The following ADGRV1 variants were observed in gnomAD, a reference collection of about 807,000 sequenced individuals.
ADGRV1 encodes adhesion G protein-coupled receptor V1.
Under a neutral mutation model 596.2 loss-of-function variants are expected in ADGRV1, and 359 were observed. The observed-to-expected ratio is 0.60, with a 90% confidence interval of 0.55 to 0.66. ADGRV1 has a LOEUF of 0.66. Among genes scored for constraint, ADGRV1 ranks in the 30% least tolerant of loss-of-function variants. ADGRV1 has a pLI of 0.00. For synonymous variants in ADGRV1, 2,681 were observed against 2,679.2 expected (o/e 1.00, Z -0.02); for missense variants, 7,274 against 7,575.6 (o/e 0.96, Z 1.48).
chr5:90,872,953 G>A (rs1220333333), intron 83 of ADGRV1, among the ~76,000 whole-genome samples: 1 of 152,168 alleles, frequency 6.6e-6, no homozygotes, highest in Non-Finnish European at 1.5e-5. Flanking sequence ...GCTTCCTTCT[G>A]TGAAACTTTT....
chr5:90,669,961 T>C (rs1026558560), intron 21 of ADGRV1, among the ~76,000 whole-genome samples: 1 of 152,236 alleles, frequency 6.6e-6, no homozygotes, highest in Non-Finnish European at 1.5e-5. Context: ...ACACTCCCCC[T>C]GCTGTCGCAA....
At chr5:90,973,538 T>G (rs1373029908) in intron 84 of ADGRV1, among the ~76,000 whole-genome samples, 2 of 152,184 alleles carry the variant, frequency 1.3e-5, no homozygotes, top group Admixed American at 1.3e-4. Flanking sequence ...GATGCAAGGC[T>G]GGTTCAACAT....
chr5:90,998,729 G>T (rs550232916), intron 85 of ADGRV1, among the ~76,000 whole-genome samples: 1 of 152,080 alleles, frequency 6.6e-6, no homozygotes, highest in African/African-American at 2.4e-5. Flanking sequence ...AAAGATGCAC[G>T]TGTTTACACT....
intron 59 of ADGRV1, among the ~76,000 whole-genome samples, chr5:90,766,267 T>C (rs947502607): frequency 2.5e-4 from 38 of 151,992 alleles, no homozygotes; most frequent in African/African-American, 8.5e-4. Context: ...ACTACCCCTC[T>C]CTCACATTTT....
At position 90,684,792 on chromosome 5, in the gene ADGRV1, A is replaced by T. The variant is rs116793991; in HGVS notation, c.6274+597A>T. ...GATTTAAATGTATGAATTTTGAGGCAGGAGAACACAAACCTTCAGACCATA... is the reference window on the plus strand; with the variant it reads ...GATTTAAATGTATGAATTTTGAGGCTGGAGAACACAAACCTTCAGACCATA... On this transcript the variant is annotated intron_variant, in intron 28 of 89. Coordinates refer to ENST00000405460, the MANE Select transcript of ADGRV1 (RefSeq NM_032119.4). Among the ~76,000 whole-genome samples, 346 of 152,312 alleles carry T rather than the reference A, an allele frequency of 2.3e-3. 5 individuals are homozygous for T. Among genetic ancestry groups the T allele is most frequent in the African/African-American group, 8.1e-3 (337 of 41,562 alleles).
chr5:90,635,809 G>A (rs774259668), intron 10 of ADGRV1, among the ~76,000 whole-genome samples: 1 of 151,866 alleles, frequency 6.6e-6, no homozygotes, highest in African/African-American at 2.4e-5. Context: ...TGTCCAGTTT[G>A]GTCCCCAACT....
Position 91,091,828 on chromosome 5 carries a change from T to C in ADGRV1, c.18311-10391T>C, listed in dbSNP as rs866378730. The C allele has an allele frequency of 2.0e-5, 3 of 152,158 alleles. No individual in the cohort carries two copies. In the South Asian group the frequency reaches 6.2e-4, roughly 32 times the overall value. The allele number at this position is 152,158 out of a possible 1,614,324, so 9.4% of individuals were successfully genotyped here. A position where few individuals can be genotyped will look rare whatever the true frequency, so the allele number is the denominator to read the frequency against. ...CCTTCCTCCACCTTTTTGGTTCTAT[T>C]GAGGCCCTTAAGGTGTTGGGTCATG... On this transcript the variant is annotated intron_variant, in intron 86 of 89. Coordinates refer to ENST00000405460, the MANE Select transcript of ADGRV1 (RefSeq NM_032119.4).
In ADGRV1 at chr5:90,586,424, AGATAGTTTATCT is replaced by A. The variant is rs199562728; in HGVS notation, c.22+27510_22+27521del. ...TCTAATTAAAATATAACTAAGTTGT[AGATAGTTTATCT>A]GACAGTAGTCTTCTTGGCATCTCCT... On this transcript the variant is annotated intron_variant, in intron 1 of 89. Coordinates refer to ENST00000405460, the MANE Select transcript of ADGRV1 (RefSeq NM_032119.4). Among the ~76,000 whole-genome samples, 166 of 152,320 alleles carry A rather than the reference AGATAGTTTATCT, an allele frequency of 1.1e-3. 1 individual carries two copies. In the East Asian group the frequency reaches 0.025, roughly 23 times the overall value.
intron 85 of ADGRV1, among the ~76,000 whole-genome samples, chr5:91,045,937 A>G (rs2151291501): frequency 6.6e-6 from 1 of 152,308 alleles, no homozygotes; most frequent in East Asian, 1.9e-4. Context: ...CTGCAAAAAA[A>G]TAAAATACTT....
intron 84 of ADGRV1, among the ~76,000 whole-genome samples, chr5:90,979,411 C>A (rs1779904050): frequency 6.6e-6 from 1 of 152,122 alleles, no homozygotes; most frequent in African/African-American, 2.4e-5. Flanking sequence ...ATTAAGCAGT[C>A]TTCCCACCTT....
intron 85 of ADGRV1, among the ~76,000 whole-genome samples, chr5:91,011,937 T>C (rs1298736004): frequency 6.6e-6 from 1 of 151,958 alleles, no homozygotes; most frequent in African/African-American, 2.4e-5. Context: ...CCCAGGTATC[T>C]GAGCACTTCA....
intron 81 of ADGRV1, among the ~76,000 whole-genome samples, chr5:90,855,360 G>A (rs1281716944): frequency 6.6e-6 from 1 of 152,154 alleles, no homozygotes; most frequent in Non-Finnish European, 1.5e-5. Flanking sequence ...ACAAAGAAGA[G>A]TAAACACATA....
intron 27 of ADGRV1, among the ~76,000 whole-genome samples, chr5:90,681,885 C>T (rs1009116631): frequency 4.0e-4 from 48 of 120,456 alleles, no homozygotes; most frequent in African/African-American, 1.5e-3. Context: ...TTTCTTTTTT[C>T]GAGACGGAGT....
intron 37 of ADGRV1, 22 bp from the exon 38 acceptor site, chr5:90,706,208 AT>A: frequency 1.3e-6 from 2 of 1,582,762 alleles, no homozygotes; most frequent in Non-Finnish European, 1.7e-6. Flanking sequence ...ATTATAAAAC[AT>A]TTTTGCAACC....
At chr5:91,004,432 TA>T (rs34386974) in intron 85 of ADGRV1, among the ~76,000 whole-genome samples, 244 of 145,206 alleles carry the variant, frequency 1.7e-3, no homozygotes, top group South Asian at 4.6e-3. Flanking sequence ...CTCCCGGTCC[TA>T]AAAAAAAAAA....
intron 34 of ADGRV1, among the ~76,000 whole-genome samples, chr5:90,699,869 A>G (rs1747678707): frequency 1.3e-5 from 2 of 152,202 alleles, no homozygotes; most frequent in Non-Finnish European, 2.9e-5. Flanking sequence ...ATTATTAATT[A>G]AAATAAATGG....
chr5:90,759,876 A>T (rs1756289107), intron 58 of ADGRV1: 1 of 330,866 alleles, frequency 3.0e-6, no homozygotes, highest in African/African-American at 2.3e-5. Flanking sequence ...GAGGCAGGAG[A>T]CTCGCTTGAA....
At chr5:90,743,698 C>T (rs1308201194) in intron 50 of ADGRV1, among the ~76,000 whole-genome samples, 2 of 151,978 alleles carry the variant, frequency 1.3e-5, no homozygotes, top group Non-Finnish European at 2.9e-5. Context: ...GTCTCGATCT[C>T]CCGACCTCGT....
At chr5:91,098,621 C>G (rs1243010744) in intron 86 of ADGRV1, among the ~76,000 whole-genome samples, 2 of 152,150 alleles carry the variant, frequency 1.3e-5, no homozygotes, top group Non-Finnish European at 2.9e-5. Context: ...TTATTTATGA[C>G]TAGCTTTTTC....
Sources: allele counts gnomAD v4.1 joint callset (sites outside exome capture counted in the v4.1 genomes callset), GRCh38; gene constraint gnomAD v4.1.1; transcripts MANE v1.5; gene names NCBI Gene and HGNC (gene_info 2026-07-23, HGNC 2026-07-21).